The following NCAM1 variants were observed in gnomAD, a reference collection of about 807,000 sequenced individuals.
The protein encoded by NCAM1 is neural cell adhesion molecule 1, also known as antigen recognized by monoclonal antibody 5.1H11.
A neutral mutation model predicts 109.8 loss-of-function variants in NCAM1; 14 were observed. The observed-to-expected ratio is 0.13, with a 90% CI of 0.08 to 0.20. The LOEUF (loss-of-function observed/expected upper bound fraction) is 0.20, where lower values mean the gene tolerates loss of function less well. NCAM1 is among the 10% of genes least tolerant of loss of function. The pLI is 1.00. For missense variants in NCAM1, 774 were observed against 1,109.9 expected (o/e 0.70, Z 4.30); for synonymous variants, 418 against 442.9 (o/e 0.94, Z 0.70).
intron 14 of NCAM1, chr11:113,240,738 G>A (rs781919007): frequency 4.5e-6 from 7 of 1,566,228 alleles, no homozygotes; most frequent in Admixed American, 1.7e-5. Flanking sequence ...TTCAGTATCT[G>A]TGTGCCTCAA....
intron 1 of NCAM1, among the ~76,000 whole-genome samples, chr11:112,981,834 C>T (rs1591211436): frequency 6.6e-6 from 1 of 151,880 alleles, no homozygotes; most frequent in Non-Finnish European, 1.5e-5. Flanking sequence ...AATAAGACAT[C>T]TTAGACATAG....
At chr11:113,070,232 C>T (rs1379383012) in intron 1 of NCAM1, among the ~76,000 whole-genome samples, 1 of 151,894 alleles carries the variant, frequency 6.6e-6, no homozygotes, top group Non-Finnish European at 1.5e-5. Flanking sequence ...TAGGACACAT[C>T]AACATTTACA....
At chr11:113,026,785 T>C (rs1377890598) in intron 1 of NCAM1, among the ~76,000 whole-genome samples, 1 of 152,216 alleles carries the variant, frequency 6.6e-6, no homozygotes, top group Non-Finnish European at 1.5e-5. Flanking sequence ...TGCTAGGCAT[T>C]TAACGTACAT....
chr11:113,271,378 A>C (rs1367393974), intron 18 of NCAM1, among the ~76,000 whole-genome samples: 1 of 150,818 alleles, frequency 6.6e-6, no homozygotes, highest in Non-Finnish European at 1.5e-5. Flanking sequence ...TCAAAAAAAA[A>C]AAAAAAAAAA....
intron 1 of NCAM1, among the ~76,000 whole-genome samples, chr11:113,159,343 A>C (rs1942521907): frequency 6.6e-6 from 1 of 152,086 alleles, no homozygotes; most frequent in African/African-American, 2.4e-5. Flanking sequence ...CTAATAATTC[A>C]CTTTTTTGTG....
chr11:112,967,391 T>C (rs1555065765), intron 1 of NCAM1, among the ~76,000 whole-genome samples: 1 of 152,220 alleles, frequency 6.6e-6, no homozygotes, highest in African/African-American at 2.4e-5. Flanking sequence ...GATGACATAA[T>C]TTCTGCTGTC....
At chr11:113,170,454 A>G (rs1942954825) in intron 1 of NCAM1, among the ~76,000 whole-genome samples, 1 of 152,238 alleles carries the variant, frequency 6.6e-6, no homozygotes, top group Non-Finnish European at 1.5e-5. Flanking sequence ...GAGCAAAAAA[A>G]CAAGGGAAAA....
chr11:113,077,196 G>C (rs1474979787), intron 1 of NCAM1, among the ~76,000 whole-genome samples: 1 of 152,178 alleles, frequency 6.6e-6, no homozygotes, highest in Non-Finnish European at 1.5e-5. Flanking sequence ...TGCATGATTA[G>C]TGCTATTATA....
At chr11:113,067,917 T>G (rs922903085) in intron 1 of NCAM1, among the ~76,000 whole-genome samples, 7 of 149,866 alleles carry the variant, frequency 4.7e-5, no homozygotes, top group Non-Finnish European at 1.0e-4. Flanking sequence ...TTTTTTTTTT[T>G]TTTTTTTTTT....
rs144544343 is a variant in NCAM1 at position 113,058,080 on chromosome 11, C to T, written c.52+96416C>T. 9.3e-4 allele frequency among the ~76,000 whole-genome samples: 142 copies of T among 152,070 alleles called. 1 individual carries two copies. In the East Asian group the frequency reaches 0.019, roughly 21 times the overall value. ...TGGGCGTATTATGAGGCCACGAGTT[C>T]GAGACCAGCCTGGCCAACATGGCAA... On this transcript the variant is annotated intron_variant, in intron 1 of 19. Transcript: ENST00000316851.
chr11:113,097,633 T>C (rs1939664177), intron 1 of NCAM1, among the ~76,000 whole-genome samples: 2 of 151,904 alleles, frequency 1.3e-5, no homozygotes, highest in African/African-American at 4.8e-5. Context: ...TAACTCTTTG[T>C]TCTTAAGGTT....
chr11:113,260,691 T>C (rs1945965895), intron 17 of NCAM1, among the ~76,000 whole-genome samples: 1 of 152,180 alleles, frequency 6.6e-6, no homozygotes, highest in African/African-American at 2.4e-5. Context: ...CACATCATAC[T>C]TGGACCACAT....
At chr11:113,137,475 T>C (rs1438103843) in intron 1 of NCAM1, among the ~76,000 whole-genome samples, 3 of 152,244 alleles carry the variant, frequency 2.0e-5, no homozygotes, top group African/African-American at 7.2e-5. Flanking sequence ...TAATCTGACA[T>C]TTTGATGGCA....
intron 1 of NCAM1, among the ~76,000 whole-genome samples, chr11:113,127,648 G>T (rs1156722418): frequency 1.3e-5 from 2 of 152,150 alleles, no homozygotes; most frequent in African/African-American, 4.8e-5. Flanking sequence ...ATTAAGAGTT[G>T]CAAGGCATTG....
At chr11:113,020,975 T>C (rs1315415318) in intron 1 of NCAM1, among the ~76,000 whole-genome samples, 1 of 152,126 alleles carries the variant, frequency 6.6e-6, no homozygotes, top group Non-Finnish European at 1.5e-5. Context: ...CAGGCTGGTC[T>C]CCAACTCCTG....
intron 1 of NCAM1, among the ~76,000 whole-genome samples, chr11:113,063,421 T>C (rs1366722628): frequency 1.3e-5 from 2 of 152,212 alleles, no homozygotes. Context: ...GAAGTCTCCA[T>C]GACCAGAAGT....
At chr11:113,188,448 G>A (rs1202787031) in intron 1 of NCAM1, among the ~76,000 whole-genome samples, 2 of 152,176 alleles carry the variant, frequency 1.3e-5, no homozygotes, top group Admixed American at 6.5e-5. Flanking sequence ...CATGGAGTTT[G>A]TTTGGGGAAG....
chr11:113,060,339 A>G (rs1338218504), intron 1 of NCAM1, among the ~76,000 whole-genome samples: 3 of 152,190 alleles, frequency 2.0e-5, no homozygotes, highest in Non-Finnish European at 2.9e-5. Flanking sequence ...AAATTTGGGT[A>G]TTTACATTCA....
chr11:113,109,356 G>GA (rs1358061242), intron 1 of NCAM1, among the ~76,000 whole-genome samples: 5 of 140,088 alleles, frequency 3.6e-5, no homozygotes, highest in East Asian at 4.5e-4. Context: ...TCAAAAAAAA[G>GA]AAAAAAAAAC....
Sources: gnomAD v4.1 joint callset for allele counts (sites outside exome capture counted in the v4.1 genomes callset) on GRCh38, gnomAD v4.1.1 for gene constraint, MANE v1.5 for transcripts, NCBI Gene and HGNC (gene_info 2026-07-23, HGNC 2026-07-21) for gene names.